The following KCNQ5 variants were observed in gnomAD, a reference collection of about 807,000 sequenced individuals.
KCNQ5 encodes potassium voltage-gated channel subfamily Q member 5.
Under a neutral mutation model 98.2 loss-of-function variants are expected in KCNQ5, and 30 were observed. The ratio of observed to expected loss-of-function variants is 0.31; its 90% CI spans 0.23 to 0.41. KCNQ5 has a LOEUF of 0.41. KCNQ5 is among the 10% of genes least tolerant of loss of function. The probability of loss-of-function intolerance (pLI) is 1.00; values close to 1 mark genes in which losing one functional copy is unlikely to be tolerated. For synonymous variants in KCNQ5, 458 were observed against 449.4 expected (o/e 1.02, Z -0.24); for missense variants, 835 against 1,182.5 (o/e 0.71, Z 4.31).
At chr6:73,064,482 G>A (rs1181886279) in intron 3 of KCNQ5, among the ~76,000 whole-genome samples, 1 of 151,958 alleles carries the variant, frequency 6.6e-6, no homozygotes, top group African/African-American at 2.4e-5. Flanking sequence ...GGGATTTCCA[G>A]CAGATGTTTC....
Position 73,172,392 on chromosome 6 carries a change from A to T in KCNQ5, c.1577+2538A>T, listed in dbSNP as rs1778045930. 2.0e-5 allele frequency among the ~76,000 whole-genome samples: 3 copies of T among 151,690 alleles called. No individual in the cohort carries two copies. In the South Asian group the frequency reaches 6.2e-4, roughly 31 times the overall value. On this transcript the variant is annotated intron_variant, in intron 11 of 13. Transcript: ENST00000370398. ...ATAAAAATAAAAATAAAGAGAATACAATTAAATTAACAGATTCTGTAAAAA... is the reference window on the plus strand; with the variant it reads ...ATAAAAATAAAAATAAAGAGAATACTATTAAATTAACAGATTCTGTAAAAA...
At chr6:72,926,187 C>T (rs1376457908) in intron 1 of KCNQ5, among the ~76,000 whole-genome samples, 1 of 152,082 alleles carries the variant, frequency 6.6e-6, no homozygotes, top group African/African-American at 2.4e-5. Context: ...ATCCCAGGAA[C>T]TACCAGAGAT....
intron 1 of KCNQ5, among the ~76,000 whole-genome samples, chr6:72,818,454 A>G (rs1214539693): frequency 6.6e-6 from 1 of 152,062 alleles, no homozygotes. Context: ...TCTGAGTACT[A>G]TACATTTCAG....
chr6:72,850,366 G>T (rs1316049685), intron 1 of KCNQ5, among the ~76,000 whole-genome samples: 1 of 152,152 alleles, frequency 6.6e-6, no homozygotes, highest in African/African-American at 2.4e-5. Flanking sequence ...CTCAAAGTCG[G>T]CTTTCTATGT....
intron 2 of KCNQ5, among the ~76,000 whole-genome samples, chr6:73,037,815 C>T (rs77559144): frequency 0.073 from 11,103 of 152,048 alleles, 628 homozygotes; most frequent in East Asian, 0.15. Flanking sequence ...TGATTGATCT[C>T]GTTTTATTCT....
In KCNQ5 at chr6:73,039,936, C is replaced by T. The variant is rs898022249; in HGVS notation, c.490-2000C>T. 7.2e-5 allele frequency among the ~76,000 whole-genome samples: 11 copies of T among 152,096 alleles called. No individual in the cohort carries two copies. In the East Asian group the frequency reaches 7.7e-4, roughly 11 times the overall value. On this transcript the variant is annotated intron_variant, in intron 2 of 13. Transcript: ENST00000370398. ...GGTGGGTTGATGAAGTTCCCAAATA[C>T]GACTTAACATTTGTCTATTTTTCCT...
chr6:73,037,792 A>G (rs1046276765), intron 2 of KCNQ5, among the ~76,000 whole-genome samples: 1 of 152,140 alleles, frequency 6.6e-6, no homozygotes, highest in Non-Finnish European at 1.5e-5. Context: ...GTAGGCTTTA[A>G]TATCAGGTAA....
chr6:72,746,524 C>CTAAA (rs1228108675), intron 1 of KCNQ5, among the ~76,000 whole-genome samples: 1 of 152,122 alleles, frequency 6.6e-6, no homozygotes, highest in Admixed American at 6.5e-5. Context: ...AGTCATTGAA[C>CTAAA]TAAACCTGAA....
intron 1 of KCNQ5, among the ~76,000 whole-genome samples, chr6:72,954,301 T>C (rs1166967612): frequency 6.6e-6 from 1 of 151,998 alleles, no homozygotes; most frequent in Non-Finnish European, 1.5e-5. Flanking sequence ...GTGTAAGTGC[T>C]GTGGGAGGAA....
rs9446751 is a variant in KCNQ5 at position 72,771,686 on chromosome 6, A to G, written c.398+149099A>G. 9.7e-3 allele frequency among the ~76,000 whole-genome samples: 795 copies of G among 82,002 alleles called. 12 individuals carry two copies. The highest frequency in any genetic ancestry group is 0.031 in the African/African-American group (766 of 24,396). 53.8% of individuals were successfully genotyped at this position (82,002 alleles called of 152,430 possible). A position where few individuals can be genotyped will look rare whatever the true frequency, so the allele number is the denominator to read the frequency against. On this transcript the variant is annotated intron_variant, in intron 1 of 13. Coordinates refer to ENST00000370398, the MANE Select transcript of KCNQ5 (RefSeq NM_019842.4). ...TGTGTGTGTGTGTGTGTGTGTGTGT[A>G]TAACATCATGTTCTATACCTTAAAT...
chr6:73,142,777 G>T (rs1308690803), intron 10 of KCNQ5, among the ~76,000 whole-genome samples: 1 of 152,152 alleles, frequency 6.6e-6, no homozygotes, highest in Middle Eastern at 3.4e-3. Flanking sequence ...TTAGCCAGGC[G>T]TGGTGGCGGG....
chr6:73,089,583 T>C (rs1028230154), intron 5 of KCNQ5, among the ~76,000 whole-genome samples: 1 of 152,128 alleles, frequency 6.6e-6, no homozygotes, highest in Non-Finnish European at 1.5e-5. Flanking sequence ...ACCTTGAGTC[T>C]CCAAAGTTCA....
chr6:73,138,184 C>T (rs537374367), intron 10 of KCNQ5, among the ~76,000 whole-genome samples: 1 of 152,252 alleles, frequency 6.6e-6, no homozygotes, highest in South Asian at 2.1e-4. Flanking sequence ...ATGGTAGGGT[C>T]ATCTGAGGCC....
In KCNQ5 at chr6:72,645,214, C is replaced by CA. The variant is rs397806838; in HGVS notation, c.398+22636dup. Among the ~76,000 whole-genome samples, 32 of 141,070 alleles carry CA rather than the reference C, an allele frequency of 2.3e-4. 2 individuals carry two copies. Among genetic ancestry groups the CA allele is most frequent in the Non-Finnish European group, 2.9e-4 (19 of 65,714 alleles). The allele number at this position is 141,070 out of a possible 152,430, so 92.5% of individuals were successfully genotyped here. A position where few individuals can be genotyped will look rare whatever the true frequency, so the allele number is the denominator to read the frequency against. On this transcript the variant is annotated intron_variant, in intron 1 of 13. Transcript: ENST00000370398. ...GTGAGACCTTGTCACCAAAAAAAAA[C>CA]AAAAAAAAACAAAAAAAACATAGTA...
At chr6:72,969,178 A>G (rs1767754211) in intron 1 of KCNQ5, among the ~76,000 whole-genome samples, 1 of 152,204 alleles carries the variant, frequency 6.6e-6, no homozygotes, top group Non-Finnish European at 1.5e-5. Context: ...TTTACAACCA[A>G]ATTTGAAAGT....
In KCNQ5 at chr6:73,111,349, A is replaced by C. The variant is rs1161215390; in HGVS notation, c.1071A>C (p.Gln357His). 6.2e-7 allele frequency: 1 copy of C among 1,611,942 alleles called. No homozygotes were observed. The highest frequency in any genetic ancestry group is 8.5e-7 in the Non-Finnish European group (1 of 1,179,432). ...GSGFALKVQE[Q>H]HRQKHFEKRR... ...GTTTTGCATTAAAAGTACAAGAACA[A>C]CACCGCCAGAAACACTTTGAGAAAA... Residue 357 changes from glutamine (Q) to histidine (H), a missense_variant, in exon 7 of 14, where the codon CAA (glutamine) becomes CAC (histidine). This residue lies in a region of KCNQ5 where 30 missense variants were observed against 132.9 expected (regional missense o/e 0.23). Coordinates refer to ENST00000370398, the MANE Select transcript of KCNQ5 (RefSeq NM_019842.4).
At chr6:72,977,134 T>C (rs1768191936) in intron 1 of KCNQ5, among the ~76,000 whole-genome samples, 1 of 152,202 alleles carries the variant, frequency 6.6e-6, no homozygotes, top group African/African-American at 2.4e-5. Context: ...TATTTATTTA[T>C]TTATTATGTT....
At chr6:72,937,098 G>T (rs1486056808) in intron 1 of KCNQ5, among the ~76,000 whole-genome samples, 3 of 152,156 alleles carry the variant, frequency 2.0e-5, no homozygotes, top group Admixed American at 6.5e-5. Context: ...ATGAGCTGAG[G>T]ATTTAAAAGA....
chr6:72,803,723 G>A (rs1041270156), intron 1 of KCNQ5, among the ~76,000 whole-genome samples: 1 of 152,066 alleles, frequency 6.6e-6, no homozygotes, highest in Non-Finnish European at 1.5e-5. Context: ...ATACTTTTTA[G>A]TTCGTTGGTT....
Sources: allele counts gnomAD v4.1 joint callset (sites outside exome capture counted in the v4.1 genomes callset), GRCh38; gene constraint gnomAD v4.1.1; regional missense constraint gnomAD v4.1.1; transcripts MANE v1.5; gene names NCBI Gene and HGNC (gene_info 2026-07-23, HGNC 2026-07-21).